GASK1A: variants seen among roughly 807,000 people sequenced by gnomAD.
GASK1A encodes the protein golgi associated kinase 1A, also known as Golgi-associated kinase 1A.
Under a neutral mutation model 41.2 loss-of-function variants are expected in GASK1A, and 40 were observed. The ratio of observed to expected loss-of-function variants is 0.97; its 90% CI spans 0.75 to 1.27. The LOEUF (loss-of-function observed/expected upper bound fraction) is 1.27. Ranked by LOEUF, GASK1A falls within the 50% of genes most tolerant of loss-of-function variation. The pLI, the probability that GASK1A is intolerant of heterozygous loss-of-function variation, is 0.00. For missense variants in GASK1A, 678 were observed against 745.1 expected, an observed-to-expected ratio of 0.91 and a Z score of 1.05; for synonymous variants, 316 against 307.1, an observed-to-expected ratio of 1.03 and a Z score of -0.30.
chr3:42,989,244 A>G (rs1000060161), intron 1 of GASK1A, among the ~76,000 whole-genome samples: 10 of 152,084 alleles, frequency 6.6e-5, no homozygotes, highest in African/African-American at 2.4e-4. Flanking sequence ...CAAGGAACAC[A>G]TTTCCTACAG....
At chr3:43,049,659 C>T (rs1326098354) in intron 2 of GASK1A, among the ~76,000 whole-genome samples, 2 of 151,840 alleles carry the variant, frequency 1.3e-5, no homozygotes, top group African/African-American at 4.8e-5. Context: ...TGCCCTCAGC[C>T]TATCTAGACC....
At chr3:43,011,962 GAAGGAGCAGTGTGAAGCCAAATA>G (rs1325155717) in intron 1 of GASK1A, among the ~76,000 whole-genome samples, 62 of 152,070 alleles carry the variant, frequency 4.1e-4, no homozygotes, top group Non-Finnish European at 7.5e-4. Context: ...GAAGCCAAAG[GAAGGAGCAGTGTGAAGCCAAATA>G]AAGGGGCTGT....
At chr3:43,045,252 G>C (rs1242389585) in intron 2 of GASK1A, among the ~76,000 whole-genome samples, 1 of 152,150 alleles carries the variant, frequency 6.6e-6, no homozygotes, top group Admixed American at 6.5e-5. Flanking sequence ...TCCAAGCCAT[G>C]AGGGGTTTTA....
intron 1 of GASK1A, among the ~76,000 whole-genome samples, chr3:43,011,917 A>T (rs1319765756): frequency 7.3e-5 from 11 of 151,698 alleles, no homozygotes; most frequent in Non-Finnish European, 1.6e-4. Context: ...AAGCCAGATA[A>T]AAGGGCAGTG....
chr3:43,014,798 TGGAAGCGGTGGTGTGAAGCTACA>T (rs2089481504), intron 1 of GASK1A, among the ~76,000 whole-genome samples: 1 of 149,460 alleles, frequency 6.7e-6, no homozygotes, highest in South Asian at 2.1e-4. Flanking sequence ...GTGAAGTCAC[TGGAAGCGGTGGTGTGAAGCTACA>T]GGAAAGGCCA....
At chr3:43,044,552 C>T (rs771300266) in intron 2 of GASK1A, among the ~76,000 whole-genome samples, 1 of 152,162 alleles carries the variant, frequency 6.6e-6, no homozygotes, top group Non-Finnish European at 1.5e-5. Flanking sequence ...GATGAGAAAA[C>T]TGAGGCACAG....
At chr3:43,014,852 G>A (rs1416839160) in intron 1 of GASK1A, among the ~76,000 whole-genome samples, 4 of 152,154 alleles carry the variant, frequency 2.6e-5, no homozygotes, top group Admixed American at 2.6e-4. Flanking sequence ...ATAGGAAGGG[G>A]CTGTGTGAAG....
chr3:43,007,724 C>T (rs545397160), intron 1 of GASK1A, among the ~76,000 whole-genome samples: 10 of 148,654 alleles, frequency 6.7e-5, no homozygotes, highest in East Asian at 5.8e-4. Context: ...AAAATAAGAA[C>T]ACTTTACTGT....
chr3:42,990,966 G>A (rs1026798689), intron 1 of GASK1A, among the ~76,000 whole-genome samples: 1 of 152,172 alleles, frequency 6.6e-6, no homozygotes, highest in Admixed American at 6.5e-5. Flanking sequence ...TGATGGGTGC[G>A]GTTATCTCAC....
Position 43,033,241 on chromosome 3 carries a change from G to A in GASK1A, c.978G>A (p.Leu326=). 2 of 1,551,744 alleles carry A rather than the reference G, an allele frequency of 1.3e-6. No individual in the cohort carries two copies. Among genetic ancestry groups the A allele is most frequent in the Non-Finnish European group, 1.7e-6 (2 of 1,147,000 alleles). The stretch of plus-strand genomic sequence containing the variant: ...GCCTGATCAAGAGGCCTGGGGACCT[G>A]CCTGAGGTCCTGTCCTTCCACGTAG... The part of the protein sequence containing the change: ...LCGLIKRPGD[L]PEVLSFHVDR... The change falls in exon 2 of 5, where the codon CTG becomes CTA. Residue 326 remains leucine (L), a synonymous_variant. Transcript: ENST00000430121.
At chr3:43,016,443 G>A (rs527758917) in intron 1 of GASK1A, among the ~76,000 whole-genome samples, 35 of 151,324 alleles carry the variant, frequency 2.3e-4, no homozygotes, top group Admixed American at 2.0e-3. Flanking sequence ...GACATGACAG[G>A]AAGGGCAGTG....
At chr3:43,017,540 G>T (rs2089498659) in intron 1 of GASK1A, among the ~76,000 whole-genome samples, 1 of 142,094 alleles carries the variant, frequency 7.0e-6, no homozygotes, top group Admixed American at 7.2e-5. Flanking sequence ...ACAGGAAGGG[G>T]CAGTAGGAAG....
At chr3:43,014,729 G>T (rs569344425) in intron 1 of GASK1A, among the ~76,000 whole-genome samples, 1 of 151,830 alleles carries the variant, frequency 6.6e-6, no homozygotes, top group East Asian at 2.0e-4. Context: ...TGAAGTCACA[G>T]GCAGGGTTCT....
At chr3:42,980,217 G>T (rs1013633210) in intron 1 of GASK1A, among the ~76,000 whole-genome samples, 1 of 152,184 alleles carries the variant, frequency 6.6e-6, no homozygotes, top group Non-Finnish European at 1.5e-5. Context: ...GGAAGCACTG[G>T]TGGGTCTGGG....
chr3:43,028,588 A>G (rs1184458359), intron 1 of GASK1A, among the ~76,000 whole-genome samples: 1 of 152,196 alleles, frequency 6.6e-6, no homozygotes, highest in Non-Finnish European at 1.5e-5. Flanking sequence ...AGTGCAGAGC[A>G]CACAGAGTCA....
chr3:43,007,140 G>A (rs550901750), intron 1 of GASK1A, among the ~76,000 whole-genome samples: 2 of 152,286 alleles, frequency 1.3e-5, no homozygotes, highest in East Asian at 3.9e-4. Flanking sequence ...ATGGAAACAG[G>A]ACATACTGTT....
chr3:42,986,631 A>G (rs2089312328), intron 1 of GASK1A, among the ~76,000 whole-genome samples: 1 of 147,294 alleles, frequency 6.8e-6, no homozygotes, highest in South Asian at 2.1e-4. Flanking sequence ...GGCTGGGGCC[A>G]GGGCCTGGCT....
rs1272653787 is a variant in GASK1A at position 43,056,831 on chromosome 3, G to A, written c.*445G>A. 1 of 153,316 alleles carries A rather than the reference G, an allele frequency of 6.5e-6. No homozygotes were observed. Among genetic ancestry groups the A allele is most frequent in the Non-Finnish European group, 1.5e-5 (1 of 68,950 alleles). The allele number at this position is 153,316 out of a possible 1,614,324, so 9.5% of individuals were successfully genotyped here. On this transcript the variant is annotated 3_prime_UTR_variant, in exon 5 of 5. Transcript: ENST00000430121. ...GTTGCTCTGGCTGAAAGTAGACTCA[G>A]GCTTAAGAAATGAAACATAATGCGT...
At chr3:43,012,390 C>T (rs1039861386) in intron 1 of GASK1A, among the ~76,000 whole-genome samples, 4 of 149,932 alleles carry the variant, frequency 2.7e-5, no homozygotes, top group Non-Finnish European at 4.4e-5. Context: ...TGTGATGTCA[C>T]AAGTAGGGGC....
Sources: gnomAD v4.1 joint callset for allele counts (sites outside exome capture counted in the v4.1 genomes callset) on GRCh38, gnomAD v4.1.1 for gene constraint, MANE v1.5 for transcripts, NCBI Gene and HGNC (gene_info 2026-07-23, HGNC 2026-07-21) for gene names.